Variants in TTN observed in about 807,000 individuals in gnomAD.
TTN encodes the protein titin.
In TTN, 1,525 loss-of-function variants were observed where a neutral mutation model predicts 3,223.0. The observed-to-expected ratio is 0.47, with a 90% confidence interval of 0.45 to 0.49. The LOEUF is 0.49. Among genes scored for constraint, TTN ranks in the 20% least tolerant of loss-of-function variants. The probability of loss-of-function intolerance (pLI) is 0.00; values close to 1 mark genes in which losing one functional copy is unlikely to be tolerated. For missense variants in TTN, 40,786 were observed against 43,424.0 expected, an observed-to-expected ratio of 0.94 and a Z score of 5.40; for synonymous variants, 14,094 against 15,161.0, an observed-to-expected ratio of 0.93 and a Z score of 5.17.
chr2:178,641,345 C>T, intron 219 of TTN, 30 bp from the exon 220 acceptor site: 1 of 1,219,926 alleles, frequency 8.2e-7, no homozygotes, highest in Non-Finnish European at 1.1e-6. Flanking sequence ...TATATGTAAA[C>T]CAAGACAAAC....
chr2:178,616,848 A>G lies in TTN; in HGVS notation c.48041T>C (p.Leu16014Ser). The G allele has an allele frequency of 3.7e-6, 6 of 1,612,692 alleles. No individual in the cohort carries two copies. The highest frequency in any genetic ancestry group is 5.1e-6 in the Non-Finnish European group (6 of 1,179,198). Residue 16014 changes from leucine (L) to serine (S), a missense_variant, in exon 256 of 363, where the codon TTG (leucine) becomes TCG (serine). Coordinates refer to ENST00000589042, the MANE Select transcript of TTN (RefSeq NM_001267550.2). ...ETGDRVKMKT[L>S]SAYAELVISP... ...AATGACAAGTTCGGCATAGGCAGAC[A>G]AGGTCTTCATTTTCACCCGGTCCCC...
rs1215190215 is a variant in TTN, at chr2:178,593,350, T to C, written c.58858A>G (p.Thr19620Ala). ...ITNYILEKRE[T>A]MSKRWARVTK... ...ACTCTAGCCCATCGTTTAGACATAG[T>C]TTCTCTCTTTTCCAGGATGTAGTTT... The change falls in exon 299 of 363, where the codon ACT becomes GCT. Residue 19620 changes from threonine to alanine, a missense_variant. Transcript: ENST00000589042. 3.7e-6 allele frequency: 6 copies of C among 1,613,224 alleles called. No individual in the cohort carries two copies. The Admixed American group carries it at 6.7e-5, about 18-fold the overall frequency.
chr2:178,734,334 G>A lies in TTN; in HGVS notation c.15490C>T (p.Leu5164Phe). ...GKCGCMATHL[L>F]KEPPTFVKKV... is the part of the protein sequence containing the mutation. ...TAGTTTTTCAAGCACTAACCTTTGAGTAAGTGGGTTGCCATGCAGCCACAC... is the reference window on the plus strand; with the variant it reads ...TAGTTTTTCAAGCACTAACCTTTGAATAAGTGGGTTGCCATGCAGCCACAC... Residue 5164 changes from leucine to phenylalanine, a missense_variant, in exon 52 of 363, where the codon CTC (leucine) becomes TTC (phenylalanine). Transcript: ENST00000589042. The A allele has an allele frequency of 6.3e-7, 1 of 1,593,436 alleles. No individual in the cohort carries two copies. Among genetic ancestry groups the A allele is most frequent in the Non-Finnish European group, 8.6e-7 (1 of 1,168,194 alleles).
Position 178,593,631 on chromosome 2 carries a change from C to T in TTN, c.58669G>A (p.Glu19557Lys). Residue 19557 changes from glutamate to lysine, a missense_variant, in exon 298 of 363, where the codon GAA becomes AAA. Transcript: ENST00000589042. ...GKDYIFRIHA[E>K]NLYGISDPLV... The stretch of plus-strand genomic sequence containing the variant: ...GGATCACTTATTCCATACAGATTTT[C>T]AGCATGTATCCGGAAAATATAATCT... 1.2e-6 allele frequency: 2 copies of T among 1,612,936 alleles called. No individual in the cohort carries two copies. The highest frequency in any genetic ancestry group is 1.1e-5 in the South Asian group (1 of 91,038).
chr2:178,648,900 A>G (rs559922471), intron 213 of TTN, among the ~76,000 whole-genome samples: 2 of 152,162 alleles, frequency 1.3e-5, no homozygotes, highest in East Asian at 3.9e-4. Flanking sequence ...TCCTCTCACC[A>G]GATTTAACTT....
intron 134 of TTN, 49 bp downstream of exon 134, chr2:178,683,162 G>C (rs1433884506): frequency 2.3e-6 from 3 of 1,299,742 alleles, no homozygotes; most frequent in Admixed American, 2.0e-5. Flanking sequence ...AGAAGGCAAA[G>C]AGCCAGATAG....
In TTN at chr2:178,719,292, G is replaced by T; in HGVS notation, c.24098C>A (p.Ser8033Tyr). 6.2e-7 allele frequency: 1 copy of T among 1,613,752 alleles called. No homozygotes were observed. The highest frequency in any genetic ancestry group is 1.1e-5 in the South Asian group (1 of 91,080). ...AGTACAGACGTTTTCCGAAAAGCTG[G>T]ACTGACATTTGGGCCCACTAACAAT... ...NEIVSGPKCQ[S>Y]SFSENVCTLN... The change falls in exon 83 of 363, where the codon TCC becomes TAC. Residue 8033 changes from serine (S) to tyrosine (Y), a missense_variant. By Grantham distance (144) the Ser-to-Tyr change is moderately radical. Coordinates refer to ENST00000589042, the MANE Select transcript of TTN (RefSeq NM_001267550.2).
rs1278882817 is a variant in TTN, at chr2:178,693,965, C to G, written c.31470G>C (p.Lys10490Asn). The G allele has an allele frequency of 1.2e-6, 2 of 1,612,720 alleles. No homozygotes were observed. Among genetic ancestry groups the G allele is most frequent in the African/African-American group, 2.7e-5 (2 of 74,878 alleles). The stretch of plus-strand genomic sequence containing the variant: ...CCTCTGTGTGAGAAGCAAAGAACAT[C>G]TTTTCTTCTGAAATAACCATCTTCT... The part of the protein sequence containing the change: ...HTKKMVISEE[K>N]MFFASHTEEE... Residue 10490 changes from lysine to asparagine, a missense_variant, in exon 118 of 363, where the codon AAG (lysine) becomes AAC (asparagine). Coordinates refer to ENST00000589042, the MANE Select transcript of TTN (RefSeq NM_001267550.2).
chr2:178,652,630 C>A (rs777823682), intron 201 of TTN, 23 bp downstream of exon 201: 6 of 1,608,444 alleles, frequency 3.7e-6, no homozygotes, highest in Non-Finnish European at 5.1e-6. Flanking sequence ...GATCTTCTGA[C>A]GCTTAAACTC....
In TTN at chr2:178,534,461, G is replaced by A. The variant is rs756924372; in HGVS notation, c.102154C>T (p.Arg34052Trp). 6 of 1,613,262 alleles carry A rather than the reference G, an allele frequency of 3.7e-6. No homozygotes were observed. Among genetic ancestry groups the A allele is most frequent in the East Asian group, 2.2e-5 (1 of 44,876 alleles). Residue 34052 changes from arginine to tryptophan, a missense_variant, in exon 358 of 363, where the codon CGG (arginine) becomes TGG (tryptophan). By Grantham distance (101) the Arg-to-Trp change is moderately radical (BLOSUM62 -3). Coordinates refer to ENST00000589042, the MANE Select transcript of TTN (RefSeq NM_001267550.2). ...GATTTCCTCTCTTTCACTAACAACCGGTCAACAAAATCCATGGCTTCAATG... is the reference window on the plus strand; with the variant it reads ...GATTTCCTCTCTTTCACTAACAACCAGTCAACAAAATCCATGGCTTCAATG... Reference protein sequence around the residue: ...ISIEAMDFVDRLLVKERKSRM... With the variant: ...ISIEAMDFVDWLLVKERKSRM...
At chr2:178,778,053 A>G (rs2092416533) in intron 24 of TTN, 78 bp from the exon 25 acceptor site, 4 of 1,535,036 alleles carry the variant, frequency 2.6e-6, no homozygotes, top group Non-Finnish European at 3.5e-6. Flanking sequence ...TGTCTTATTC[A>G]TTATTCATGT....
At position 178,773,640 on chromosome 2, in the gene TTN, A is replaced by G. The variant is rs763423885; in HGVS notation, c.7416T>C (p.Asp2472=). Residue 2472 remains aspartate, a synonymous_variant, in exon 32 of 363, where the codon GAT becomes GAC. Transcript: ENST00000589042. The stretch of plus-strand genomic sequence containing the variant: ...TTAAGTACCACTTAACAGAAGTCAC[A>G]TCAGGGACTGACACCTTACATTCAA... ...AVLECKVSVP[D]VTSVKWYLND... is the part of the protein sequence containing the mutation. 6 of 1,613,928 alleles carry G rather than the reference A, an allele frequency of 3.7e-6. No homozygotes were observed. The African/African-American group carries it at 8.0e-5, about 22-fold the overall frequency.
chr2:178,651,858 G>C, intron 205 of TTN, 26 bp downstream of exon 205: 1 of 1,600,884 alleles, frequency 6.2e-7, no homozygotes, highest in Non-Finnish European at 8.5e-7. Flanking sequence ...TGGCCGAGGT[G>C]TCCTAGCAGC....
chr2:178,746,179 C>A, intron 47 of TTN: 4 of 1,613,228 alleles, frequency 2.5e-6, no homozygotes, highest in South Asian at 1.1e-5. Flanking sequence ...CTTCGGGAGT[C>A]GGGATCCCTA....
rs1487649539 is a variant in TTN, at chr2:178,539,624, C to T, written c.98441G>A (p.Arg32814Lys). ...ATCAGCAGGAGGTCTCCAGCTGACC[C>T]TCACAGAGCGGACTTGGATGTCATC... The part of the protein sequence containing the change: ...EYDDIQVRSV[R>K]VSWRPPADDG... The change falls in exon 352 of 363, where the codon AGG (arginine) becomes AAG (lysine). Residue 32814 changes from arginine to lysine, a missense_variant. Transcript: ENST00000589042. 6.2e-7 allele frequency: 1 copy of T among 1,613,786 alleles called. No homozygotes were observed. Among genetic ancestry groups the T allele is most frequent in the Admixed American group, 1.7e-5 (1 of 60,006 alleles).
rs878898044 is a variant in TTN at position 178,583,078 on chromosome 2, C to A, written c.65725G>T (p.Gly21909Cys). 3 of 1,611,308 alleles carry A rather than the reference C, an allele frequency of 1.9e-6. No homozygotes were observed. Among genetic ancestry groups the A allele is most frequent in the Non-Finnish European group, 2.5e-6 (3 of 1,178,568 alleles). ...TTCCGCTGCATGGCCATCTTTATGC[C>A]TTCTGCTGGTTTTAGCAGTGTGCCA... The part of the protein sequence containing the change: ...KDGTLLKPAE[G>C]IKMAMQRNLC... Residue 21909 changes from glycine to cysteine, a missense_variant, in exon 313 of 363, where the codon GGC (glycine) becomes TGC (cysteine). Gly to Cys is a radical substitution (Grantham distance 159). Transcript: ENST00000589042.
rs886043924 is a variant in TTN, at chr2:178,530,861, G to C, written c.105754C>G (p.Arg35252Gly). 1 of 1,613,806 alleles carries C rather than the reference G, an allele frequency of 6.2e-7. No individual in the cohort carries two copies. Among genetic ancestry groups the C allele is most frequent in the Non-Finnish European group, 8.5e-7 (1 of 1,179,860 alleles). The change falls in exon 358 of 363, where the codon CGA (arginine) becomes GGA (glycine). Residue 35252 changes from arginine (R) to glycine (G), a missense_variant. Transcript: ENST00000589042. The stretch of plus-strand genomic sequence containing the variant: ...TGAGAAGGTTCTGGAGATTTCACTC[G>C]TTTTGGAGACTTAACTGCTTCTGGG... Reference protein sequence around the residue: ...KSPEAVKSPKRVKSPEPSHPK... With the variant: ...KSPEAVKSPKGVKSPEPSHPK...
chr2:178,709,668 G>A lies in TTN; in HGVS notation c.28651C>T (p.Leu9551=), dbSNP rs2076376845. 1 of 1,613,922 alleles carries A rather than the reference G, an allele frequency of 6.2e-7. No individual in the cohort carries two copies. The highest frequency in any genetic ancestry group is 2.2e-5 in the East Asian group (1 of 44,874). The stretch of plus-strand genomic sequence containing the variant: ...TTCATGCCTGCTTTCCTGACTTGCA[G>A]CACTAACGTGTTGTTCTTGAATGTT... ...EITFKNNTLV[L]QVRKAGMNDA... is the part of the protein sequence containing the mutation. The change falls in exon 99 of 363, where the codon CTG becomes TTG. Residue 9551 remains leucine, a synonymous_variant. Transcript: ENST00000589042.
At chr2:178,720,830 C>G in intron 79 of TTN, 91 bp downstream of exon 79, 1 of 1,445,544 alleles carries the variant, frequency 6.9e-7, no homozygotes, top group Non-Finnish European at 9.2e-7. Flanking sequence ...ACCAAATAAC[C>G]TTAATTATCC....
Sources: allele counts gnomAD v4.1 joint callset (sites outside exome capture counted in the v4.1 genomes callset), GRCh38; gene constraint gnomAD v4.1.1; transcripts MANE v1.5; gene names NCBI Gene and HGNC (gene_info 2026-07-23, HGNC 2026-07-21).